ESRRG: variants seen among roughly 807,000 people sequenced by gnomAD.
ESRRG encodes estrogen-related receptor gamma.
In ESRRG, 13 loss-of-function variants were observed where a neutral mutation model predicts 44.0. That is an observed-to-expected ratio of 0.30 (90% confidence interval 0.19 to 0.47). ESRRG has a LOEUF of 0.47. Ranked by LOEUF, ESRRG falls within the 20% of genes least tolerant of loss-of-function variation. ESRRG has a pLI of 1.00. For synonymous variants in ESRRG, 215 were observed against 214.6 expected, an observed-to-expected ratio of 1.00 and a Z score of -0.02; for missense variants, 395 against 580.6, an observed-to-expected ratio of 0.68 and a Z score of 3.29.
intron 1 of ESRRG, among the ~76,000 whole-genome samples, chr1:217,088,938 A>G (rs1433839608): frequency 3.3e-5 from 5 of 152,006 alleles, no homozygotes; most frequent in Non-Finnish European, 7.4e-5. Flanking sequence ...GTGCAACTTC[A>G]GCGACTCCCT....
intron 1 of ESRRG, among the ~76,000 whole-genome samples, chr1:217,035,648 C>A (rs1207780620): frequency 6.9e-6 from 1 of 145,934 alleles, no homozygotes; most frequent in African/African-American, 2.5e-5. Context: ...AAGTCAAAAA[C>A]TTTAATAAAG....
chr1:217,074,673 A>G (rs911242260), intron 1 of ESRRG, among the ~76,000 whole-genome samples: 1 of 152,146 alleles, frequency 6.6e-6, no homozygotes, highest in Non-Finnish European at 1.5e-5. Context: ...CGCCATGTCT[A>G]CAAAACATTT....
At chr1:216,901,820 C>CA (rs1385604615) in intron 2 of ESRRG, among the ~76,000 whole-genome samples, 1 of 152,144 alleles carries the variant, frequency 6.6e-6, no homozygotes, top group African/African-American at 2.4e-5. Context: ...AGTACAGTGG[C>CA]ATGATCATAG....
intron 2 of ESRRG, among the ~76,000 whole-genome samples, chr1:216,743,781 T>C (rs2091045743): frequency 6.6e-6 from 1 of 152,172 alleles, no homozygotes. Flanking sequence ...GCTAGGACTG[T>C]GCTCAAAATT....
chr1:216,731,156 T>C (rs997288414), intron 2 of ESRRG, among the ~76,000 whole-genome samples: 1 of 152,242 alleles, frequency 6.6e-6, no homozygotes, highest in Non-Finnish European at 1.5e-5. Flanking sequence ...TATTTTTAAG[T>C]GTTCAAAAAC....
At chr1:216,617,619 G>A (rs1276490259) in intron 3 of ESRRG, among the ~76,000 whole-genome samples, 1 of 152,058 alleles carries the variant, frequency 6.6e-6, no homozygotes, top group Admixed American at 6.6e-5. Flanking sequence ...ATATATTGTG[G>A]TACTTAAGTC....
intron 1 of ESRRG, among the ~76,000 whole-genome samples, chr1:217,113,113 G>T (rs1166330): frequency 1.3e-5 from 2 of 152,174 alleles, no homozygotes; most frequent in African/African-American, 4.8e-5. Flanking sequence ...TGAAAAGAGG[G>T]CAGACTGTTT....
At chr1:216,915,052 G>A (rs1196818261) in intron 2 of ESRRG, among the ~76,000 whole-genome samples, 2 of 152,154 alleles carry the variant, frequency 1.3e-5, no homozygotes, top group South Asian at 2.1e-4. Flanking sequence ...GTATGTACAC[G>A]ATTTCCAAAT....
intron 3 of ESRRG, among the ~76,000 whole-genome samples, chr1:216,590,142 T>A (rs1425233829): frequency 1.3e-5 from 2 of 151,976 alleles, no homozygotes; most frequent in African/African-American, 4.8e-5. Flanking sequence ...GATCCTTATC[T>A]ATGCCAAAAC....
At chr1:217,093,793 A>AC (rs142180163), upstream of ESRRG, among the ~76,000 whole-genome samples, 6,146 of 151,640 alleles carry the variant, frequency 0.041, 175 homozygotes, top group South Asian at 0.14. Context: ...CAAAAAAAAA[A>AC]ACACACACAC....
intron 1 of ESRRG, among the ~76,000 whole-genome samples, chr1:217,041,287 C>T (rs2083815570): frequency 6.6e-6 from 1 of 152,142 alleles, no homozygotes; most frequent in Non-Finnish European, 1.5e-5. Flanking sequence ...GTGCCAAAAG[C>T]CCTTTTTCCT....
intron 2 of ESRRG, among the ~76,000 whole-genome samples, chr1:216,894,297 G>A (rs1577791089): frequency 6.6e-6 from 1 of 152,186 alleles, no homozygotes; most frequent in East Asian, 1.9e-4. Context: ...AAAAATAGAT[G>A]CCTTAAAGCC....
intron 2 of ESRRG, among the ~76,000 whole-genome samples, chr1:216,871,962 A>T (rs1422377153): frequency 2.0e-5 from 3 of 151,958 alleles, no homozygotes; most frequent in African/African-American, 7.2e-5. Flanking sequence ...TATCTGAAAA[A>T]TTTCCTTTAG....
chr1:217,099,699 C>T (rs761914508), intron 1 of ESRRG, among the ~76,000 whole-genome samples: 17 of 152,200 alleles, frequency 1.1e-4, no homozygotes, highest in Non-Finnish European at 1.8e-4. Flanking sequence ...AGAGTTCTAA[C>T]GGCAGCCAGA....
intron 2 of ESRRG, among the ~76,000 whole-genome samples, chr1:216,824,385 G>C (rs1410374800): frequency 6.6e-6 from 1 of 152,150 alleles, no homozygotes; most frequent in Non-Finnish European, 1.5e-5. Flanking sequence ...GGGGGAGGTT[G>C]TAGTGAGTGG....
intron 2 of ESRRG, among the ~76,000 whole-genome samples, chr1:216,834,935 A>G (rs1257158703): frequency 1.3e-5 from 2 of 152,170 alleles, no homozygotes. Flanking sequence ...TAGAGACAGC[A>G]ATTGAAGTAC....
chr1:217,067,303 T>G (rs2089888752), intron 1 of ESRRG, among the ~76,000 whole-genome samples: 1 of 152,216 alleles, frequency 6.6e-6, no homozygotes, highest in South Asian at 2.1e-4. Context: ...TTAAATTGAT[T>G]ATTAAATAAT....
intron 1 of ESRRG, among the ~76,000 whole-genome samples, chr1:216,973,501 G>A (rs1353776354): frequency 1.3e-5 from 2 of 152,180 alleles, no homozygotes. Flanking sequence ...CCCAGAAGCA[G>A]TGCTGGACCC....
At chr1:216,940,577 G>A (rs1349883658) in intron 1 of ESRRG, among the ~76,000 whole-genome samples, 2 of 152,086 alleles carry the variant, frequency 1.3e-5, no homozygotes, top group African/African-American at 2.4e-5. Flanking sequence ...AAAAGATGTG[G>A]AGAAAATAAT....
Sources: gnomAD v4.1 joint callset for allele counts (sites outside exome capture counted in the v4.1 genomes callset) on GRCh38, gnomAD v4.1.1 for gene constraint, MANE v1.5 for transcripts, NCBI Gene and HGNC (gene_info 2026-07-23, HGNC 2026-07-21) for gene names.